The following RALYL variants were observed in gnomAD, a reference collection of about 807,000 sequenced individuals.
The protein encoded by RALYL is RALY RNA binding protein like.
RALYL carries 29 observed loss-of-function variants against 35.1 expected under a neutral mutation model. That is an observed-to-expected ratio of 0.83 (90% confidence interval 0.61 to 1.13). RALYL has a LOEUF of 1.13. Among genes scored for constraint, RALYL ranks in the 50% most tolerant of loss-of-function variants. The pLI, the probability that RALYL is intolerant of heterozygous loss-of-function variation, is 0.00. For synonymous variants in RALYL, 120 were observed against 127.6 expected (o/e 0.94, Z 0.40); for missense variants, 359 against 360.4 (o/e 1.00, Z 0.03).
chr8:84,642,390 C>A (rs1319161552), intron 2 of RALYL, among the ~76,000 whole-genome samples: 1 of 151,776 alleles, frequency 6.6e-6, no homozygotes, highest in Admixed American at 6.6e-5. Flanking sequence ...AACTCTTTTA[C>A]CTTTTTTTTC....
At chr8:84,280,406 T>G (rs923671766) in intron 1 of RALYL, among the ~76,000 whole-genome samples, 2 of 152,142 alleles carry the variant, frequency 1.3e-5, no homozygotes, top group Non-Finnish European at 2.9e-5. Context: ...AGGGAAGATA[T>G]AATATATCCA....
At chr8:84,437,163 T>C (rs539749130) in intron 1 of RALYL, among the ~76,000 whole-genome samples, 40 of 152,286 alleles carry the variant, frequency 2.6e-4, no homozygotes, top group African/African-American at 8.9e-4. Flanking sequence ...AATGATGGCC[T>C]CCAGCTGCAT....
intron 1 of RALYL, among the ~76,000 whole-genome samples, chr8:84,403,805 C>T (rs1200819168): frequency 6.6e-6 from 1 of 151,960 alleles, no homozygotes; most frequent in Non-Finnish European, 1.5e-5. Flanking sequence ...TTGATTCTTC[C>T]TATCCATGAG....
chr8:84,708,084 C>G (rs548965990), intron 2 of RALYL, among the ~76,000 whole-genome samples: 6 of 152,176 alleles, frequency 3.9e-5, no homozygotes, highest in Non-Finnish European at 7.4e-5. Flanking sequence ...CATAAATCAA[C>G]TTTCTAATTT....
chr8:84,675,087 C>T (rs191961601), intron 2 of RALYL, among the ~76,000 whole-genome samples: 1 of 151,922 alleles, frequency 6.6e-6, no homozygotes, highest in Non-Finnish European at 1.5e-5. Context: ...GGTTTTTAAA[C>T]CATAAAACCC....
chr8:84,885,545 T>C (rs936987118), intron 7 of RALYL, among the ~76,000 whole-genome samples: 1 of 152,162 alleles, frequency 6.6e-6, no homozygotes, highest in Non-Finnish European at 1.5e-5. Context: ...AGAATTCACA[T>C]CCTTACTGCA....
intron 1 of RALYL, among the ~76,000 whole-genome samples, chr8:84,247,397 A>T (rs1491555): frequency 1.3e-5 from 2 of 151,944 alleles, no homozygotes; most frequent in East Asian, 3.9e-4. Flanking sequence ...ACTGGTAGGC[A>T]CACTGCCAAC....
intron 2 of RALYL, among the ~76,000 whole-genome samples, chr8:84,685,319 C>A (rs1272803567): frequency 6.6e-6 from 1 of 151,988 alleles, no homozygotes; most frequent in Admixed American, 6.6e-5. Context: ...TTTTTCTCTA[C>A]CCATTGTAAC....
chr8:84,685,183 T>C (rs373126747), intron 2 of RALYL, among the ~76,000 whole-genome samples: 27 of 152,138 alleles, frequency 1.8e-4, no homozygotes, highest in African/African-American at 6.0e-4. Context: ...GACACAAACA[T>C]TGAGTCCATA....
intron 2 of RALYL, among the ~76,000 whole-genome samples, chr8:84,751,905 A>C (rs2133219903): frequency 6.6e-6 from 1 of 152,318 alleles, no homozygotes; most frequent in South Asian, 2.1e-4. Flanking sequence ...TAGCAATGTG[A>C]GAACAGACTA....
At chr8:84,368,901 A>G (rs1855106002) in intron 1 of RALYL, among the ~76,000 whole-genome samples, 1 of 152,232 alleles carries the variant, frequency 6.6e-6, no homozygotes. Flanking sequence ...ATAAATAAAC[A>G]AAACTACAAT....
chr8:84,648,143 C>T (rs1827894066), intron 2 of RALYL, among the ~76,000 whole-genome samples: 1 of 152,004 alleles, frequency 6.6e-6, no homozygotes, highest in African/African-American at 2.4e-5. Flanking sequence ...CACGACATTG[C>T]CGCTTCATTC....
At chr8:84,315,808 C>T (rs1351254184) in intron 1 of RALYL, among the ~76,000 whole-genome samples, 2 of 148,910 alleles carry the variant, frequency 1.3e-5, no homozygotes, top group Non-Finnish European at 3.0e-5. Context: ...ACTCTGCTAT[C>T]CCACTGCCTG....
At chr8:84,530,536 G>T (rs185717205) in intron 2 of RALYL, among the ~76,000 whole-genome samples, 3 of 150,630 alleles carry the variant, frequency 2.0e-5, no homozygotes, top group Non-Finnish European at 4.4e-5. Flanking sequence ...CATCAAGTTC[G>T]CTTGTCAATA....
intron 1 of RALYL, among the ~76,000 whole-genome samples, chr8:84,233,686 T>A (rs1825866461): frequency 6.6e-6 from 1 of 152,196 alleles, no homozygotes; most frequent in Non-Finnish European, 1.5e-5. Flanking sequence ...CACCAAGTCC[T>A]ACTCATTCTT....
chr8:84,808,339 C>A (rs1456582835), intron 4 of RALYL, among the ~76,000 whole-genome samples: 1 of 152,064 alleles, frequency 6.6e-6, no homozygotes, highest in African/African-American at 2.4e-5. Context: ...TTTCTGGGTT[C>A]TCTTCTCTGT....
In RALYL at chr8:84,838,271, G is replaced by C. The variant is rs1419281797; in HGVS notation, c.366-11709G>C. Among the ~76,000 whole-genome samples, 7 of 151,006 alleles carry C rather than the reference G, an allele frequency of 4.6e-5. No individual in the cohort carries two copies. The East Asian group carries it at 1.3e-3, about 29-fold the overall frequency. Reference sequence around the variant, plus strand: ...TAGAGGTTCACTCAGAAAGAAAAAGGGGATTTTTATGAAAGAGATAGAATC... The same window carrying C: ...TAGAGGTTCACTCAGAAAGAAAAAGCGGATTTTTATGAAAGAGATAGAATC... On this transcript the variant is annotated intron_variant, in intron 4 of 8. Coordinates refer to ENST00000521268, the MANE Select transcript of RALYL (RefSeq NM_173848.7).
At position 84,184,293 on chromosome 8, in the gene RALYL, C is replaced by T. The variant is rs1680961209; in HGVS notation, c.-155C>T. The T allele has an allele frequency of 6.6e-6, 1 of 152,188 alleles. No homozygotes were observed. Among genetic ancestry groups the T allele is most frequent in the Admixed American group, 6.6e-5 (1 of 15,252 alleles). The allele number at this position is 152,188 out of a possible 1,614,324, so 9.4% of individuals were successfully genotyped here. On this transcript the variant is annotated 5_prime_UTR_variant, in exon 1 of 9. Coordinates refer to ENST00000521268, the MANE Select transcript of RALYL (RefSeq NM_173848.7). The stretch of plus-strand genomic sequence containing the variant: ...TCTATATTGTCCCTTATTTCTCCCC[C>T]TTCCCTCCCCGTAAATCAATTTTCA...
intron 2 of RALYL, among the ~76,000 whole-genome samples, chr8:84,692,358 A>G (rs1453426652): frequency 6.6e-6 from 1 of 152,008 alleles, no homozygotes; most frequent in Non-Finnish European, 1.5e-5. Flanking sequence ...CAATATACAA[A>G]GTCATTTTTC....
Sources: gnomAD v4.1 joint callset for allele counts (sites outside exome capture counted in the v4.1 genomes callset) on GRCh38, gnomAD v4.1.1 for gene constraint, MANE v1.5 for transcripts, NCBI Gene and HGNC (gene_info 2026-07-23, HGNC 2026-07-21) for gene names.